ABHD8: variants seen among roughly 807,000 people sequenced by gnomAD.
ABHD8 encodes protein ABHD8.
In ABHD8, 10 loss-of-function variants were observed where a neutral mutation model predicts 29.3. That is an observed-to-expected ratio of 0.34 (90% confidence interval 0.21 to 0.58). ABHD8 has a LOEUF of 0.58. Ranked by LOEUF, ABHD8 falls within the 20% of genes least tolerant of loss-of-function variation. ABHD8 has a pLI of 0.85. For missense variants in ABHD8, 556 were observed against 615.3 expected, an observed-to-expected ratio of 0.90 and a Z score of 1.02; for synonymous variants, 282 against 274.6, an observed-to-expected ratio of 1.03 and a Z score of -0.27.
At position 17,292,478 on chromosome 19, in the gene ABHD8, T is replaced by TGTCC; in HGVS notation, c.*179_*182dup. 1 of 670,410 alleles carries TGTCC rather than the reference T, an allele frequency of 1.5e-6. No homozygotes were observed. The highest frequency in any genetic ancestry group is 3.3e-5 in the East Asian group (1 of 30,370). The allele number at this position is 670,410 out of a possible 1,614,324, so 41.5% of individuals were successfully genotyped here. A position where few individuals can be genotyped will look rare whatever the true frequency, so the allele number is the denominator to read the frequency against. On this transcript the variant is annotated 3_prime_UTR_variant, in exon 5 of 5. Coordinates refer to ENST00000247706, the MANE Select transcript of ABHD8 (RefSeq NM_024527.5). ...CGCGGGACGGAAGCGGAGAGCGGAA[T>TGTCC]GTCCGCTGGGCTCCCTCGGATGCCA...
chr19:17,299,118 G>T lies in ABHD8; in HGVS notation c.761+1738C>A, dbSNP rs2074105374. On this transcript the variant is annotated intron_variant, in intron 2 of 4. Transcript: ENST00000247706. ...TCCCTGTCTGATTACATATGCTAAT[G>T]GGAGTTTTCAGCCTGGTATAGCGGC... Among the ~76,000 whole-genome samples the T allele has an allele frequency of 2.0e-5, 3 of 152,060 alleles. No homozygotes were observed. In the South Asian group the frequency reaches 6.2e-4, roughly 32 times the overall value.
chr19:17,294,642 C>T, intron 3 of ABHD8, 33 bp downstream of exon 3: 2 of 1,610,542 alleles, frequency 1.2e-6, no homozygotes, highest in Non-Finnish European at 8.5e-7. Flanking sequence ...TCGCCAGGGC[C>T]AGGATCACGG....
intron 3 of ABHD8, 44 bp from the exon 4 acceptor site, chr19:17,294,548 G>T: frequency 6.2e-7 from 1 of 1,611,876 alleles, no homozygotes. Context: ...ATGCCAGCCC[G>T]ACTGCCGTGG....
In ABHD8 at chr19:17,292,733, C is replaced by G; in HGVS notation, c.1248G>C (p.Leu416=). ...ETVNTLLHEF[L]LWEPEPSPKA... ...TGGGCGAGGGCTCGGGCTCCCAGAG[C>G]AGGAATTCGTGGAGCAGCGTGTTGA... is the stretch of plus-strand genomic sequence containing the variant. Residue 416 remains leucine, a synonymous_variant, in exon 5 of 5, where the codon CTG becomes CTC. Transcript: ENST00000247706. 6 of 1,613,800 alleles carry G rather than the reference C, an allele frequency of 3.7e-6. No individual in the cohort carries two copies. The highest frequency in any genetic ancestry group is 5.1e-6 in the Non-Finnish European group (6 of 1,179,942).
chr19:17,294,251 G>C, intron 4 of ABHD8, 37 bp downstream of exon 4: 7 of 1,585,272 alleles, frequency 4.4e-6, no homozygotes, highest in Non-Finnish European at 6.0e-6. Context: ...GCACCCTGGG[G>C]ATTTGTAGCT....
rs1413223108 is a variant in ABHD8 at position 17,301,191 on chromosome 19, A to G, written c.426T>C (p.Ser142=). 2 of 1,604,478 alleles carry G rather than the reference A, an allele frequency of 1.2e-6. No individual in the cohort carries two copies. The highest frequency in any genetic ancestry group is 8.5e-7 in the Non-Finnish European group (1 of 1,177,810). The part of the protein sequence containing the change: ...APGSAGSGSG[S]GSGGRRRRAR... ...CTCGCCGCCGCCGCCCACCACTGCC[A>G]CTGCCGCTGCCGCTGCCTGCGCTGC... is the stretch of plus-strand genomic sequence containing the variant. The change falls in exon 2 of 5, where the codon AGT becomes AGC. Residue 142 remains serine, a synonymous_variant. Coordinates refer to ENST00000247706, the MANE Select transcript of ABHD8 (RefSeq NM_024527.5).
intron 1 of ABHD8, 122 bp from the exon 2 acceptor site, chr19:17,301,746 A>C: frequency 3.7e-5 from 44 of 1,178,884 alleles, no homozygotes; most frequent in Non-Finnish European, 4.3e-5. Flanking sequence ...GCGCCAGATC[A>C]AGTGAGCCAC....
chr19:17,302,697 A>G (rs2074126130), intron 1 of ABHD8, among the ~76,000 whole-genome samples: 1 of 152,212 alleles, frequency 6.6e-6, no homozygotes, highest in African/African-American at 2.4e-5. Context: ...GGGATCTGCT[A>G]TACAAGTCCC....
chr19:17,294,635 C>A, intron 3 of ABHD8, 40 bp downstream of exon 3: 1 of 1,609,292 alleles, frequency 6.2e-7, no homozygotes, highest in Non-Finnish European at 8.5e-7. Flanking sequence ...CCTGGGTTCG[C>A]CAGGGCCAGG....
chr19:17,301,262 C>G lies in ABHD8; in HGVS notation c.355G>C (p.Val119Leu). ...GSGEPPAALE[V>L]ELADPAGSDG... ...CTGCCCGCCGGATCTGCCAGCTCCACCTCCAGGGCGGCCGGCGGCTCCCCA... is the reference window on the plus strand; with the variant it reads ...CTGCCCGCCGGATCTGCCAGCTCCAGCTCCAGGGCGGCCGGCGGCTCCCCA... The change falls in exon 2 of 5, where the codon GTG (valine) becomes CTG (leucine). Residue 119 changes from valine to leucine, a missense_variant. This residue lies in a region of ABHD8 where 286 missense variants were observed against 261.4 expected (regional missense o/e 1.09). Transcript: ENST00000247706. 2 of 1,602,192 alleles carry G rather than the reference C, an allele frequency of 1.2e-6. No individual in the cohort carries two copies. Among genetic ancestry groups the G allele is most frequent in the Non-Finnish European group, 1.7e-6 (2 of 1,177,508 alleles).
intron 2 of ABHD8, among the ~76,000 whole-genome samples, chr19:17,299,328 G>C (rs1192360448): frequency 6.6e-6 from 1 of 151,120 alleles, no homozygotes; most frequent in Non-Finnish European, 1.5e-5. Flanking sequence ...TTGGGAGGCC[G>C]AGGAGGGCGA....
intron 4 of ABHD8, among the ~76,000 whole-genome samples, chr19:17,293,443 G>A (rs1373213335): frequency 9.5e-6 from 1 of 105,706 alleles, no homozygotes; most frequent in Non-Finnish European, 1.8e-5. Context: ...TTAGGAGCTG[G>A]ATCATTCTTT....
Position 17,300,963 on chromosome 19 carries a change from C to A in ABHD8, c.654G>T (p.Ala218=), listed in dbSNP as rs1287199846. ...AGGTGTAGGCTGCGGCCACCTGGGG[C>A]GCAGAGCTGGCCCCGTGGCCGGCCA... ...PDLAGHGASS[A]PQVAAAYTFY... Residue 218 remains alanine, a synonymous_variant, in exon 2 of 5, where the codon GCG becomes GCT. Transcript: ENST00000247706. The A allele has an allele frequency of 1.2e-6, 2 of 1,613,386 alleles. No individual in the cohort carries two copies. Among genetic ancestry groups the A allele is most frequent in the Non-Finnish European group, 1.7e-6 (2 of 1,180,000 alleles).
intron 2 of ABHD8, among the ~76,000 whole-genome samples, chr19:17,299,938 C>T (rs1335978843): frequency 2.0e-5 from 3 of 148,678 alleles, no homozygotes; most frequent in Admixed American, 6.8e-5. Context: ...CTCCTTCTGT[C>T]GCCCAGGCTG....
Position 17,294,624 on chromosome 19 carries a change from G to A in ABHD8, c.932+51C>T, listed in dbSNP as rs368550001. ...CCCCTCCCATCCAACTCGAGCAGAT[G>A]CCTGGGTTCGCCAGGGCCAGGATCA... On this transcript the variant is annotated intron_variant, in intron 3 of 4. Coordinates refer to ENST00000247706, the MANE Select transcript of ABHD8 (RefSeq NM_024527.5). The A allele has an allele frequency of 2.5e-6, 4 of 1,608,296 alleles. No individual in the cohort carries two copies. The African/African-American group carries it at 5.3e-5, about 21-fold the overall frequency.
intron 2 of ABHD8, among the ~76,000 whole-genome samples, chr19:17,300,153 C>T (rs2074111091): frequency 6.6e-6 from 1 of 151,690 alleles, no homozygotes; most frequent in Non-Finnish European, 1.5e-5. Context: ...ATCCGCCCGC[C>T]TCAGCCTCCC....
chr19:17,293,382 C>A (rs965653998), intron 4 of ABHD8, among the ~76,000 whole-genome samples: 1 of 151,334 alleles, frequency 6.6e-6, no homozygotes, highest in Non-Finnish European at 1.5e-5. Context: ...CAGGAGTGAG[C>A]CACCGCGCCC....
At chr19:17,300,835 C>G in intron 2 of ABHD8, 21 bp downstream of exon 2, 2 of 1,566,908 alleles carry the variant, frequency 1.3e-6, no homozygotes, top group Non-Finnish European at 1.7e-6. Flanking sequence ...ACCCCCACCC[C>G]ACATGCCAGG....
rs1039561725 is a variant in ABHD8 at position 17,294,299 on chromosome 19, G to T, written c.1138C>A (p.Arg380Ser). The change falls in exon 4 of 5, where the codon CGC becomes AGC. Residue 380 changes from arginine (R) to serine (S), a missense_variant. Transcript: ENST00000247706. ...GTGCCCGCCTCTACCTCGGCCATGCGCTGGTCTTCCTCCACCGGCACAAAC... is the reference window on the plus strand; with the variant it reads ...GTGCCCGCCTCTACCTCGGCCATGCTCTGGTCTTCCTCCACCGGCACAAAC... ...DKFVPVEEDQ[R>S]MAEILLLAFL... 3 of 1,605,284 alleles carry T rather than the reference G, an allele frequency of 1.9e-6. No homozygotes were observed. The highest frequency in any genetic ancestry group is 1.3e-5 in the African/African-American group (1 of 74,906).
Sources: allele counts gnomAD v4.1 joint callset (sites outside exome capture counted in the v4.1 genomes callset), GRCh38; gene constraint gnomAD v4.1.1; regional missense constraint gnomAD v4.1.1; transcripts MANE v1.5; gene names NCBI Gene and HGNC (gene_info 2026-07-23, HGNC 2026-07-21).